Variants in EML1 observed in about 807,000 individuals in gnomAD.
EML1 encodes EMAP like 1, also known as echinoderm microtubule-associated protein-like 1.
A neutral mutation model predicts 110.4 loss-of-function variants in EML1; 27 were observed. That is an observed-to-expected ratio of 0.24 (90% CI 0.18 to 0.34). The LOEUF (loss-of-function observed/expected upper bound fraction) is 0.34, where lower values mean the gene tolerates loss of function less well. EML1 is among the 10% of genes least tolerant of loss of function. The pLI is 1.00. For synonymous variants in EML1, 344 were observed against 385.8 expected (o/e 0.89, Z 1.27); for missense variants, 741 against 1,030.9 (o/e 0.72, Z 3.85).
intron 16 of EML1, among the ~76,000 whole-genome samples, chr14:99,919,588 C>T (rs931712124): frequency 3.3e-5 from 5 of 152,054 alleles, no homozygotes; most frequent in African/African-American, 9.7e-5. Context: ...GTGTAGGACA[C>T]GGTGACAGTG....
intron 1 of EML1, among the ~76,000 whole-genome samples, chr14:99,833,169 A>G (rs1216917519): frequency 6.6e-6 from 1 of 152,132 alleles, no homozygotes; most frequent in Non-Finnish European, 1.5e-5. Flanking sequence ...TCCATTTTGA[A>G]TTAATTTTTG....
chr14:99,927,359 T>G (rs1035081437), intron 17 of EML1, among the ~76,000 whole-genome samples: 13 of 152,356 alleles, frequency 8.5e-5, no homozygotes, highest in African/African-American at 2.9e-4. Context: ...CTTTGTGGTG[T>G]TGTCTTCACG....
intron 15 of EML1, among the ~76,000 whole-genome samples, chr14:99,915,735 T>C (rs1292227974): frequency 2.0e-5 from 3 of 152,212 alleles, no homozygotes; most frequent in African/African-American, 7.2e-5. Context: ...TCTGGTTCTT[T>C]CCACTGCATT....
intron 1 of EML1, among the ~76,000 whole-genome samples, chr14:99,780,119 C>T (rs770982966): frequency 6.6e-6 from 1 of 152,170 alleles, no homozygotes; most frequent in Non-Finnish European, 1.5e-5. Flanking sequence ...ATATATCTCT[C>T]TCTCTCCCTT....
At chr14:99,797,704 G>A (rs189743036) in intron 1 of EML1, among the ~76,000 whole-genome samples, 2 of 152,342 alleles carry the variant, frequency 1.3e-5, no homozygotes, top group East Asian at 3.9e-4. Flanking sequence ...AAACGAGTCA[G>A]TGCACAACTG....
intron 11 of EML1, 55 bp downstream of exon 11, chr14:99,909,534 A>G (rs2059911828): frequency 1.2e-6 from 2 of 1,606,982 alleles, no homozygotes; most frequent in South Asian, 1.1e-5. Context: ...GTGATTGGCT[A>G]GATGCATCTC....
At chr14:99,913,742 T>G (rs1566934704) in intron 13 of EML1, among the ~76,000 whole-genome samples, 1 of 152,064 alleles carries the variant, frequency 6.6e-6, no homozygotes. Context: ...CAGGCTGGAG[T>G]GTAGTGGCGT....
chr14:99,874,405 G>A (rs2059255521), intron 3 of EML1, among the ~76,000 whole-genome samples: 1 of 152,116 alleles, frequency 6.6e-6, no homozygotes, highest in South Asian at 2.1e-4. Flanking sequence ...CTGCATTATT[G>A]CACAGTCTCT....
chr14:99,897,349 G>A (rs2059689034), intron 7 of EML1, 55 bp downstream of exon 7: 18 of 1,519,200 alleles, frequency 1.2e-5, no homozygotes, highest in East Asian at 2.4e-5. Flanking sequence ...TAGGAGGATC[G>A]CTTGAGGCCA....
chr14:99,807,365 AG>A (rs1290987124), intron 1 of EML1, among the ~76,000 whole-genome samples: 1 of 152,334 alleles, frequency 6.6e-6, no homozygotes, highest in Admixed American at 6.5e-5. Context: ...TCTAACAAGG[AG>A]AGCTGGCTGC....
Position 99,917,858 on chromosome 14 carries a change from A to G in EML1, c.1820+9A>G, listed in dbSNP as rs372801108. ...GGAACACTCACTGGGAGGTAAGTCCATGCCAACAGCGCTTGTGCTTGCAAA... is the reference window on the plus strand; with the variant it reads ...GGAACACTCACTGGGAGGTAAGTCCGTGCCAACAGCGCTTGTGCTTGCAAA... On this transcript the variant is annotated intron_variant, in intron 16 of 21. Coordinates refer to ENST00000262233, the MANE Select transcript of EML1 (RefSeq NM_004434.3). 2 of 1,614,128 alleles carry G rather than the reference A, an allele frequency of 1.2e-6. No individual in the cohort carries two copies. The highest frequency in any genetic ancestry group is 2.7e-5 in the African/African-American group (2 of 75,046).
rs1273375496 is a variant in EML1, at chr14:99,739,117, AGAGTGTGTGT to A, written c.28+1259_28+1268del. Reference sequence around the variant, plus strand: ...GAGAGAGAGAGACAGAGAGAGAGAGAGAGTGTGTGTGTGTGTGTGTGTGTGTGTGTGTGTG... The same window carrying A: ...GAGAGAGAGAGACAGAGAGAGAGAGAGTGTGTGTGTGTGTGTGTGTGTGTG... On this transcript the variant is annotated intron_variant, in intron 1 of 10. Transcript: ENST00000554479. Among the ~76,000 whole-genome samples, 36 of 64,184 alleles carry A rather than the reference AGAGTGTGTGT, an allele frequency of 5.6e-4. 1 individual carries two copies. Among genetic ancestry groups the A allele is most frequent in the South Asian group, 2.0e-3 (2 of 992 alleles). The allele number at this position is 64,184 out of a possible 152,430, so 42.1% of individuals were successfully genotyped here.
chr14:99,770,775 G>A (rs1027967032), upstream of EML1, among the ~76,000 whole-genome samples: 2 of 115,118 alleles, frequency 1.7e-5, no homozygotes, highest in African/African-American at 7.1e-5. Context: ...AGCAGTTTCC[G>A]CTGATTTTTT....
intron 1 of EML1, among the ~76,000 whole-genome samples, chr14:99,747,888 C>A (rs1253233376): frequency 6.6e-6 from 1 of 152,180 alleles, no homozygotes; most frequent in East Asian, 1.9e-4. Flanking sequence ...GCCACCCCCT[C>A]CTGGACTTTC....
At chr14:99,769,168 C>T (rs986903633), upstream of EML1, among the ~76,000 whole-genome samples, 1 of 152,172 alleles carries the variant, frequency 6.6e-6, no homozygotes. Context: ...CTGTCTGGTC[C>T]TCCTTTCTCA....
chr14:99,919,823 A>G (rs2060100209), intron 16 of EML1, among the ~76,000 whole-genome samples: 1 of 152,166 alleles, frequency 6.6e-6, no homozygotes, highest in African/African-American at 2.4e-5. Flanking sequence ...TTGGCACTGA[A>G]AAGCAAAATC....
rs1294452151 is a variant in EML1 at position 99,891,238 on chromosome 14, T to C, written c.547+11T>C. The C allele has an allele frequency of 3.1e-6, 5 of 1,614,060 alleles. 1 individual carries two copies. The highest frequency in any genetic ancestry group is 2.2e-5 in the South Asian group (2 of 91,028). On this transcript the variant is annotated intron_variant, in intron 5 of 21. Coordinates refer to ENST00000262233, the MANE Select transcript of EML1 (RefSeq NM_004434.3). ...CTGTATTCAGTGCAGGTAAGTCTGA[T>C]TTAATTTATGTATGGGAACCCCTCA...
chr14:99,833,279 T>C (rs905106424), intron 1 of EML1, among the ~76,000 whole-genome samples: 1 of 152,244 alleles, frequency 6.6e-6, no homozygotes, highest in Non-Finnish European at 1.5e-5. Flanking sequence ...TTTTCTCTAC[T>C]GAATTGCCTT....
chr14:99,869,907 G>A (rs1228732385), intron 3 of EML1, among the ~76,000 whole-genome samples: 2 of 152,148 alleles, frequency 1.3e-5, no homozygotes, highest in Admixed American at 6.5e-5. Context: ...CCCTGAGGCC[G>A]CACCAGAAGC....
Sources: allele counts gnomAD v4.1 joint callset (sites outside exome capture counted in the v4.1 genomes callset), GRCh38; gene constraint gnomAD v4.1.1; transcripts MANE v1.5; gene names NCBI Gene and HGNC (gene_info 2026-07-23, HGNC 2026-07-21).